Variants in CADM2 observed in about 807,000 individuals in gnomAD.
CADM2 encodes cell adhesion molecule 2.
A neutral mutation model predicts 49.8 loss-of-function variants in CADM2; 12 were observed. The observed-to-expected ratio is 0.24, with a 90% CI of 0.15 to 0.39. The LOEUF is 0.39. Among genes scored for constraint, CADM2 ranks in the 10% least tolerant of loss-of-function variants. CADM2 has a pLI of 1.00. For synonymous variants in CADM2, 214 were observed against 175.4 expected (o/e 1.22, Z -1.74); for missense variants, 378 against 492.3 (o/e 0.77, Z 2.20).
At chr3:85,491,210 G>A (rs1273971531) in intron 1 of CADM2, among the ~76,000 whole-genome samples, 3 of 152,136 alleles carry the variant, frequency 2.0e-5, no homozygotes, top group East Asian at 1.9e-4. Flanking sequence ...CTTGTTGTAC[G>A]TCAGGGAGAG....
At chr3:85,903,649 T>C (rs1716422097) in intron 5 of CADM2, among the ~76,000 whole-genome samples, 1 of 152,126 alleles carries the variant, frequency 6.6e-6, no homozygotes. Flanking sequence ...CAGTGTGATG[T>C]CATTCCTCAG....
chr3:85,546,518 A>C (rs1335271111), intron 1 of CADM2, among the ~76,000 whole-genome samples: 1 of 152,048 alleles, frequency 6.6e-6, no homozygotes, highest in Non-Finnish European at 1.5e-5. Context: ...AAATATATAT[A>C]TAATATTGCT....
chr3:85,490,166 CAT>C (rs1299778434), intron 1 of CADM2, among the ~76,000 whole-genome samples: 7 of 151,870 alleles, frequency 4.6e-5, no homozygotes, highest in Non-Finnish European at 1.0e-4. Flanking sequence ...TCGCAGAAAT[CAT>C]ATGAGTAGGA....
intron 1 of CADM2, among the ~76,000 whole-genome samples, chr3:85,511,452 G>C (rs1576686904): frequency 6.6e-6 from 1 of 152,116 alleles, no homozygotes; most frequent in East Asian, 1.9e-4. Context: ...TTTCAGGAAA[G>C]TAAATGTGGA....
intron 1 of CADM2, among the ~76,000 whole-genome samples, chr3:85,373,466 T>A (rs1230189901): frequency 6.6e-6 from 1 of 152,108 alleles, no homozygotes; most frequent in East Asian, 1.9e-4. Context: ...TGATGTTGAG[T>A]GTCTGCTGCT....
At chr3:85,985,360 C>T (rs1421774409) in intron 8 of CADM2, among the ~76,000 whole-genome samples, 1 of 151,888 alleles carries the variant, frequency 6.6e-6, no homozygotes, top group Non-Finnish European at 1.5e-5. Context: ...TTCCCCAGGC[C>T]CCAGCTCTTA....
chr3:85,504,551 G>A (rs906304792), intron 1 of CADM2, among the ~76,000 whole-genome samples: 2 of 152,180 alleles, frequency 1.3e-5, no homozygotes, highest in African/African-American at 2.4e-5. Context: ...CATTTACAAT[G>A]CCTGAGTTAG....
chr3:85,768,003 G>C (rs2069750742), intron 2 of CADM2, among the ~76,000 whole-genome samples: 1 of 152,034 alleles, frequency 6.6e-6, no homozygotes. Context: ...GATTATAACT[G>C]ATTATTGTTC....
chr3:85,714,570 A>G (rs4444723), intron 1 of CADM2, among the ~76,000 whole-genome samples: 100,470 of 151,482 alleles, frequency 0.66, 33,716 homozygotes, highest in African/African-American at 0.69. Flanking sequence ...GGGACTACAG[A>G]CACCCGCCAC....
chr3:85,603,477 C>G (rs1404273402), intron 1 of CADM2, among the ~76,000 whole-genome samples: 1 of 151,872 alleles, frequency 6.6e-6, no homozygotes, highest in Non-Finnish European at 1.5e-5. Flanking sequence ...TGTGTCAGCT[C>G]ACAGGACTCT....
chr3:85,633,859 G>T (rs1393854165), intron 1 of CADM2, among the ~76,000 whole-genome samples: 2 of 151,892 alleles, frequency 1.3e-5, no homozygotes, highest in Non-Finnish European at 2.9e-5. Context: ...AACAAACAAG[G>T]ACCTTCACCA....
At chr3:85,934,921 T>C (rs1332779791) in intron 6 of CADM2, among the ~76,000 whole-genome samples, 1 of 152,018 alleles carries the variant, frequency 6.6e-6, no homozygotes, top group Non-Finnish European at 1.5e-5. Context: ...CAATTTCACA[T>C]TGACTGTGGG....
chr3:84,968,150 G>T (rs547740289), intron 1 of CADM2, among the ~76,000 whole-genome samples: 9 of 151,992 alleles, frequency 5.9e-5, no homozygotes, highest in African/African-American at 2.2e-4. Flanking sequence ...TTTATGTCAA[G>T]TTCTTTTTTT....
chr3:85,114,632 G>A (rs183810542), intron 1 of CADM2, among the ~76,000 whole-genome samples: 1 of 152,156 alleles, frequency 6.6e-6, no homozygotes, highest in Admixed American at 6.5e-5. Context: ...TCATTAATTG[G>A]CTTAAACAGT....
chr3:85,030,137 A>T, intron 1 of CADM2, among the ~76,000 whole-genome samples: 1 of 152,112 alleles, frequency 6.6e-6, no homozygotes, highest in Non-Finnish European at 1.5e-5. Context: ...AAACTCCAAG[A>T]TTCACTCTGA....
chr3:85,275,308 A>G (rs1018478508), intron 1 of CADM2, among the ~76,000 whole-genome samples: 1 of 151,460 alleles, frequency 6.6e-6, no homozygotes, highest in African/African-American at 2.4e-5. Flanking sequence ...GGCAATAACT[A>G]AAATACTTTT....
chr3:85,064,128 G>A (rs1576145953), intron 1 of CADM2, among the ~76,000 whole-genome samples: 1 of 152,112 alleles, frequency 6.6e-6, no homozygotes, highest in African/African-American at 2.4e-5. Context: ...AGAGTTTCCC[G>A]CCTTTGCTAA....
At chr3:85,448,769 G>T (rs1355707722) in intron 1 of CADM2, among the ~76,000 whole-genome samples, 1 of 151,606 alleles carries the variant, frequency 6.6e-6, no homozygotes, top group Non-Finnish European at 1.5e-5. Context: ...ATAAAAATTC[G>T]GCCGGGCGTG....
intron 2 of CADM2, among the ~76,000 whole-genome samples, chr3:85,784,826 C>T (rs2070883763): frequency 6.6e-6 from 1 of 152,058 alleles, no homozygotes; most frequent in Admixed American, 6.6e-5. Flanking sequence ...GTATTCCCTC[C>T]TCCTTGATTT....
Sources: gnomAD v4.1 joint callset for allele counts (sites outside exome capture counted in the v4.1 genomes callset) on GRCh38, gnomAD v4.1.1 for gene constraint, MANE v1.5 for transcripts, NCBI Gene and HGNC (gene_info 2026-07-23, HGNC 2026-07-21) for gene names.